ST6GALNAC5: variants seen among roughly 807,000 people sequenced by gnomAD.
The protein encoded by ST6GALNAC5 is alpha-N-acetylgalactosaminide alpha-2,6-sialyltransferase 5.
A neutral mutation model predicts 33.6 loss-of-function variants in ST6GALNAC5; 27 were observed. The observed-to-expected ratio is 0.80, with a 90% CI of 0.59 to 1.11. The LOEUF is 1.11. ST6GALNAC5 is among the 50% of genes least tolerant of loss of function. The pLI is 0.00. For missense variants in ST6GALNAC5, 428 were observed against 454.0 expected, an observed-to-expected ratio of 0.94 and a Z score of 0.52; for synonymous variants, 194 against 171.2, an observed-to-expected ratio of 1.13 and a Z score of -1.04.
intron 2 of ST6GALNAC5, among the ~76,000 whole-genome samples, chr1:77,016,570 T>C (rs1438533794): frequency 1.3e-5 from 2 of 151,900 alleles, no homozygotes; most frequent in East Asian, 3.9e-4. Context: ...AGTGATCTGA[T>C]CAAAGTCACT....
chr1:76,892,288 T>C (rs1654030004), intron 2 of ST6GALNAC5, among the ~76,000 whole-genome samples: 1 of 152,216 alleles, frequency 6.6e-6, no homozygotes. Flanking sequence ...TTCTTTTTTC[T>C]TGATGTTGTT....
intron 2 of ST6GALNAC5, among the ~76,000 whole-genome samples, chr1:76,920,864 A>T (rs967579018): frequency 6.6e-6 from 1 of 152,178 alleles, no homozygotes; most frequent in African/African-American, 2.4e-5. Flanking sequence ...CCAAACAGAA[A>T]ACATATGGTG....
At chr1:77,038,966 A>G (rs1651747232) in intron 2 of ST6GALNAC5, among the ~76,000 whole-genome samples, 2 of 152,356 alleles carry the variant, frequency 1.3e-5, no homozygotes, top group South Asian at 4.1e-4. Context: ...GTCCTCCTCT[A>G]AATTGCAGAT....
At chr1:76,886,115 C>A (rs1007386840) in intron 2 of ST6GALNAC5, among the ~76,000 whole-genome samples, 4 of 136,310 alleles carry the variant, frequency 2.9e-5, no homozygotes, top group Admixed American at 6.9e-5. Flanking sequence ...TCCCTGACCA[C>A]CATATAGTAA....
At chr1:76,991,499 C>G (rs1035534520) in intron 2 of ST6GALNAC5, among the ~76,000 whole-genome samples, 2 of 152,154 alleles carry the variant, frequency 1.3e-5, no homozygotes, top group African/African-American at 4.8e-5. Flanking sequence ...TATCCTAAAT[C>G]CCCTGACCAC....
intron 2 of ST6GALNAC5, among the ~76,000 whole-genome samples, chr1:76,987,663 A>T (rs1047131581): frequency 6.6e-6 from 1 of 152,198 alleles, no homozygotes; most frequent in Admixed American, 6.6e-5. Flanking sequence ...CACCAGACAC[A>T]ACAGCCCAAC....
rs1050902698 is a variant in ST6GALNAC5, at chr1:77,066,660, A to G, written c.*3454A>G. Among the ~76,000 whole-genome samples the G allele has an allele frequency of 2.6e-5, 4 of 152,234 alleles. No homozygotes were observed. Among genetic ancestry groups the G allele is most frequent in the African/African-American group, 9.6e-5 (4 of 41,470 alleles). On this transcript the variant is annotated 3_prime_UTR_variant, in exon 5 of 5. Transcript: ENST00000477717. ...GGGTGATGGTTCAAATTGTTAAATA[A>G]ACCTACTCTGAAAGAAGGGTCCATG...
intron 2 of ST6GALNAC5, among the ~76,000 whole-genome samples, chr1:76,955,816 C>T (rs1316520551): frequency 6.6e-6 from 1 of 152,144 alleles, no homozygotes; most frequent in East Asian, 1.9e-4. Flanking sequence ...TGTCCTCTGA[C>T]TTATTGAGCA....
At chr1:76,879,624 T>A (rs556032689) in intron 2 of ST6GALNAC5, among the ~76,000 whole-genome samples, 1 of 152,188 alleles carries the variant, frequency 6.6e-6, no homozygotes, top group East Asian at 1.9e-4. Context: ...GAATCAACAT[T>A]ATTTGGCCTG....
At chr1:76,982,358 G>A (rs559094318) in intron 2 of ST6GALNAC5, among the ~76,000 whole-genome samples, 18 of 152,280 alleles carry the variant, frequency 1.2e-4, no homozygotes, top group Admixed American at 5.2e-4. Context: ...TGAGAACTTC[G>A]TGAAGCATGC....
intron 2 of ST6GALNAC5, among the ~76,000 whole-genome samples, chr1:76,886,988 A>G (rs1653910296): frequency 1.3e-5 from 2 of 152,080 alleles, no homozygotes; most frequent in Non-Finnish European, 2.9e-5. Flanking sequence ...CCTTTTGCCT[A>G]TTAAAAATAA....
chr1:77,038,261 A>G (rs1651722194), intron 2 of ST6GALNAC5, among the ~76,000 whole-genome samples: 1 of 152,158 alleles, frequency 6.6e-6, no homozygotes, highest in African/African-American at 2.4e-5. Flanking sequence ...ACAAAAAAGA[A>G]AGGAACAGCT....
At chr1:76,942,181 A>G (rs1174388662) in intron 2 of ST6GALNAC5, among the ~76,000 whole-genome samples, 5 of 152,126 alleles carry the variant, frequency 3.3e-5, no homozygotes, top group Non-Finnish European at 7.4e-5. Flanking sequence ...ACATGGTGGA[A>G]GAACACTCAT....
chr1:76,883,794 A>G (rs564148397), intron 2 of ST6GALNAC5, among the ~76,000 whole-genome samples: 1 of 152,348 alleles, frequency 6.6e-6, no homozygotes, highest in East Asian at 1.9e-4. Context: ...TTGTGTTTCT[A>G]CCATATGCCT....
intron 2 of ST6GALNAC5, among the ~76,000 whole-genome samples, chr1:76,996,130 G>A (rs1413580647): frequency 1.5e-4 from 23 of 152,174 alleles, no homozygotes; most frequent in Admixed American, 1.5e-3. Flanking sequence ...ACTTGGAGAG[G>A]CTAACCAACT....
intron 2 of ST6GALNAC5, among the ~76,000 whole-genome samples, chr1:76,958,802 A>G (rs866866431): frequency 2.0e-5 from 3 of 151,772 alleles, no homozygotes; most frequent in African/African-American, 4.8e-5. Flanking sequence ...CTGCTTCACC[A>G]TCTAGGCTCC....
At chr1:76,999,421 C>T (rs1650058201) in intron 2 of ST6GALNAC5, among the ~76,000 whole-genome samples, 1 of 151,274 alleles carries the variant, frequency 6.6e-6, no homozygotes, top group Non-Finnish European at 1.5e-5. Context: ...AAACTTGCTC[C>T]TGCTGTGGAA....
In ST6GALNAC5 at chr1:76,982,090, C is replaced by T. The variant is rs529615239; in HGVS notation, c.262-62114C>T. Among the ~76,000 whole-genome samples the T allele has an allele frequency of 5.9e-5, 9 of 152,290 alleles. No individual in the cohort carries two copies. In the South Asian group the frequency reaches 1.7e-3, roughly 28 times the overall value. ...CAGAAAAGCTGAAAATTCTGAAAAT[C>T]AGAGCACCTCTTCTCCTCCAAAGGA... On this transcript the variant is annotated intron_variant, in intron 2 of 4. Coordinates refer to ENST00000477717, the MANE Select transcript of ST6GALNAC5 (RefSeq NM_030965.3).
chr1:76,982,328 T>C (rs566953139), intron 2 of ST6GALNAC5, among the ~76,000 whole-genome samples: 1 of 152,296 alleles, frequency 6.6e-6, no homozygotes, highest in East Asian at 1.9e-4. Flanking sequence ...AATGACCTGA[T>C]GGAGCTGAAA....
Sources: gnomAD v4.1 joint callset for allele counts (sites outside exome capture counted in the v4.1 genomes callset) on GRCh38, gnomAD v4.1.1 for gene constraint, MANE v1.5 for transcripts, NCBI Gene and HGNC (gene_info 2026-07-23, HGNC 2026-07-21) for gene names.